CDK19: variants seen among roughly 807,000 people sequenced by gnomAD.
CDK19 encodes the protein cyclin-dependent kinase 19.
In CDK19, 20 loss-of-function variants were observed where a neutral mutation model predicts 68.3. That is an observed-to-expected ratio of 0.29 (90% CI 0.21 to 0.43). The LOEUF (loss-of-function observed/expected upper bound fraction) is 0.43, where lower values mean the gene tolerates loss of function less well. Among genes scored for constraint, CDK19 ranks in the 20% least tolerant of loss-of-function variants. The pLI, the probability that CDK19 is intolerant of heterozygous loss-of-function variation, is 1.00. For synonymous variants in CDK19, 221 were observed against 222.8 expected (o/e 0.99, Z 0.07); for missense variants, 339 against 623.5 (o/e 0.54, Z 4.86).
chr6:110,675,014 A>C (rs1198774933), intron 2 of CDK19, among the ~76,000 whole-genome samples: 2 of 152,256 alleles, frequency 1.3e-5, no homozygotes, highest in African/African-American at 4.8e-5. Flanking sequence ...AAGCTAACAG[A>C]GGTTGGTTCA....
At chr6:110,655,267 G>A (rs1365832422) in intron 4 of CDK19, among the ~76,000 whole-genome samples, 1 of 151,524 alleles carries the variant, frequency 6.6e-6, no homozygotes, top group Non-Finnish European at 1.5e-5. Flanking sequence ...TTGGGAGGCT[G>A]AGGCAGGAGA....
chr6:110,623,652 C>G (rs1174574232), intron 8 of CDK19, among the ~76,000 whole-genome samples: 1 of 151,472 alleles, frequency 6.6e-6, no homozygotes, highest in East Asian at 1.9e-4. Flanking sequence ...TTTCTAGGCA[C>G]ATACCTGAGT....
intron 4 of CDK19, among the ~76,000 whole-genome samples, chr6:110,660,137 T>C (rs1781530110): frequency 6.6e-6 from 1 of 152,170 alleles, no homozygotes; most frequent in Non-Finnish European, 1.5e-5. Context: ...TAGCCCCAAA[T>C]ATCATTTAAA....
At chr6:110,783,336 G>GA (rs1366477465) in intron 1 of CDK19, among the ~76,000 whole-genome samples, 2 of 152,096 alleles carry the variant, frequency 1.3e-5, no homozygotes, top group Non-Finnish European at 2.9e-5. Context: ...AGTTAAATTT[G>GA]AAAACACTAA....
chr6:110,714,556 C>A (rs1775216014), intron 2 of CDK19, among the ~76,000 whole-genome samples: 1 of 151,966 alleles, frequency 6.6e-6, no homozygotes, highest in Non-Finnish European at 1.5e-5. Context: ...AAATCCTCAC[C>A]AATAGTTGTT....
chr6:110,704,091 T>C (rs566130210), intron 2 of CDK19, among the ~76,000 whole-genome samples: 2 of 152,338 alleles, frequency 1.3e-5, no homozygotes, highest in African/African-American at 4.8e-5. Context: ...TAAGTTGTTG[T>C]TTTTGGTGTC....
At chr6:110,672,344 C>G (rs1771088368) in intron 2 of CDK19, among the ~76,000 whole-genome samples, 1 of 152,170 alleles carries the variant, frequency 6.6e-6, no homozygotes, top group South Asian at 2.1e-4. Context: ...ATCCCTGATT[C>G]CTGGACCTCA....
At chr6:110,712,018 T>C (rs1774983239) in intron 2 of CDK19, among the ~76,000 whole-genome samples, 2 of 152,212 alleles carry the variant, frequency 1.3e-5, no homozygotes, top group South Asian at 4.1e-4. Flanking sequence ...TAGTTTTTGG[T>C]ACTAGCTAGT....
At chr6:110,732,202 C>CATTTTTTT (rs1377861516) in intron 2 of CDK19, among the ~76,000 whole-genome samples, 5 of 151,986 alleles carry the variant, frequency 3.3e-5, no homozygotes, top group Admixed American at 3.3e-4. Flanking sequence ...TTTACAAAGT[C>CATTTTTTT]ATTCAAGGTA....
intron 1 of CDK19, among the ~76,000 whole-genome samples, chr6:110,797,262 C>G (rs1782002073): frequency 6.6e-6 from 1 of 151,978 alleles, no homozygotes; most frequent in Non-Finnish European, 1.5e-5. Context: ...ATCACTTGAA[C>G]CTGGGAGGCA....
intron 2 of CDK19, among the ~76,000 whole-genome samples, chr6:110,711,892 C>G (rs1344455185): frequency 2.0e-5 from 3 of 152,204 alleles, no homozygotes; most frequent in Non-Finnish European, 4.4e-5. Context: ...TGCCTGAACC[C>G]AGGCTGGGGG....
In CDK19 at chr6:110,687,658, C is replaced by T. The variant is rs187443899; in HGVS notation, c.205-17117G>A. Among the ~76,000 whole-genome samples, 383 of 152,278 alleles carry T rather than the reference C, an allele frequency of 2.5e-3. 2 individuals are homozygous for T. The highest frequency in any genetic ancestry group is 8.7e-3 in the African/African-American group (363 of 41,562). On this transcript the variant is annotated intron_variant, in intron 2 of 12. Transcript: ENST00000368911. ...TGATTTCTTTTATACTAAGCATTTA[C>T]TAATTTTAATCAATAAATCCTAAAA...
chr6:110,758,251 G>T (rs1291771595), intron 1 of CDK19, among the ~76,000 whole-genome samples: 3 of 152,096 alleles, frequency 2.0e-5, no homozygotes, highest in African/African-American at 7.2e-5. Context: ...TAAGAAAGGG[G>T]TGTACAGAAG....
intron 2 of CDK19, among the ~76,000 whole-genome samples, chr6:110,734,232 A>T (rs1434383451): frequency 6.6e-6 from 1 of 151,480 alleles, no homozygotes; most frequent in East Asian, 1.9e-4. Flanking sequence ...CTGGTCTCCA[A>T]CTCCTGAGCT....
chr6:110,698,484 C>G (rs780314384), intron 2 of CDK19, among the ~76,000 whole-genome samples: 2 of 151,990 alleles, frequency 1.3e-5, no homozygotes, highest in Non-Finnish European at 2.9e-5. Context: ...CAAGAATGGC[C>G]ATTAAGAAAG....
intron 12 of CDK19, among the ~76,000 whole-genome samples, chr6:110,618,255 C>T (rs1326288008): frequency 6.6e-6 from 1 of 152,152 alleles, no homozygotes; most frequent in Non-Finnish European, 1.5e-5. Context: ...GCCTCAGCCT[C>T]CCAAGTAGTT....
intron 2 of CDK19, among the ~76,000 whole-genome samples, chr6:110,681,587 G>A (rs1199620460): frequency 6.6e-6 from 1 of 152,168 alleles, no homozygotes; most frequent in East Asian, 1.9e-4. Context: ...GGTTATCTGA[G>A]AAGGGACACA....
intron 2 of CDK19, among the ~76,000 whole-genome samples, chr6:110,744,794 C>A (rs977378462): frequency 1.3e-5 from 2 of 152,148 alleles, no homozygotes; most frequent in Non-Finnish European, 1.5e-5. Flanking sequence ...ACAGATGAAA[C>A]TGGAACTGAT....
intron 2 of CDK19, among the ~76,000 whole-genome samples, chr6:110,705,042 GTT>G (rs71664467): frequency 2.4e-4 from 34 of 140,852 alleles, no homozygotes; most frequent in African/African-American, 2.9e-4. Flanking sequence ...AAGAAATGTA[GTT>G]TTTTTTTTTT....
Sources: gnomAD v4.1 joint callset for allele counts (sites outside exome capture counted in the v4.1 genomes callset) on GRCh38, gnomAD v4.1.1 for gene constraint, MANE v1.5 for transcripts, NCBI Gene and HGNC (gene_info 2026-07-23, HGNC 2026-07-21) for gene names.